Variants in INKA2 observed in about 807,000 individuals in gnomAD.
INKA2 encodes PAK4-inhibitor INKA2.
INKA2 carries 3 observed loss-of-function variants against 9.8 expected under a neutral mutation model. That is an observed-to-expected ratio of 0.31 (90% confidence interval 0.14 to 0.79). The LOEUF is 0.79. INKA2 is among the 30% of genes least tolerant of loss of function. INKA2 has a pLI of 0.62. For synonymous variants in INKA2, 147 were observed against 143.3 expected, an observed-to-expected ratio of 1.03 and a Z score of -0.18; for missense variants, 392 against 384.4, an observed-to-expected ratio of 1.02 and a Z score of -0.17.
At chr1:111,754,974 C>CGAGACCTCTTTGAAAAGG (rs141326398) in intron 1 of INKA2, 4 of 68,500 alleles carry the variant, frequency 5.8e-5, no homozygotes, top group African/African-American at 9.6e-5. Flanking sequence ...TTAGGGTGTT[C>CGAGACCTCTTTGAAAAGG]AAGACCTCTT....
intron 1 of INKA2, chr1:111,755,657 C>T: frequency 3.1e-6 from 5 of 1,611,458 alleles, no homozygotes; most frequent in East Asian, 4.5e-5. Context: ...GTGCCCCCAC[C>T]GCAGGCCCGC....
rs1557912938 is a variant in INKA2, at chr1:111,739,293, C to T, written c.-51G>A. 2 of 1,609,976 alleles carry T rather than the reference C, an allele frequency of 1.2e-6. No homozygotes were observed. The highest frequency in any genetic ancestry group is 1.3e-5 in the African/African-American group (1 of 74,816). On this transcript the variant is annotated 5_prime_UTR_variant, in exon 1 of 2. Transcript: ENST00000357260. Reference sequence around the variant, plus strand: ...AACAGAGAGGGCCCGGGTGAAACCCCGGCCCCACTGGAAACTGCGCTCCGG... The same window carrying T: ...AACAGAGAGGGCCCGGGTGAAACCCTGGCCCCACTGGAAACTGCGCTCCGG...
Position 111,723,101 on chromosome 1 carries a change from C to T in INKA2, c.*3867G>A. ...CATACCATGGTGCTGGCAGAAGTGC[C>T]TTAACTGCACCGGATGGGGAAGGCA... On this transcript the variant is annotated 3_prime_UTR_variant, in exon 2 of 2. Coordinates refer to ENST00000357260, the MANE Select transcript of INKA2 (RefSeq NM_019099.5). The T allele has an allele frequency of 2.9e-6, 2 of 701,198 alleles. No homozygotes were observed. Among genetic ancestry groups the T allele is most frequent in the Non-Finnish European group, 5.2e-6 (2 of 384,254 alleles). 43.4% of individuals were successfully genotyped at this position (701,198 alleles called of 1,614,324 possible).
rs547172434 is a variant in INKA2 at position 111,726,454 on chromosome 1, G to T, written c.*514C>A. 41 of 209,980 alleles carry T rather than the reference G, an allele frequency of 2.0e-4. No individual in the cohort carries two copies. Among genetic ancestry groups the T allele is most frequent in the African/African-American group, 8.5e-4 (37 of 43,570 alleles). The allele number at this position is 209,980 out of a possible 1,614,324, so 13.0% of individuals were successfully genotyped here. ...GCTGCTCCAGTCCCAGGAGGCCTGG[G>T]GTTCAGTCCCTGTGCCTGGAGCAAT... On this transcript the variant is annotated 3_prime_UTR_variant, in exon 2 of 2. Coordinates refer to ENST00000357260, the MANE Select transcript of INKA2 (RefSeq NM_019099.5).
At chr1:111,755,694 G>C in intron 1 of INKA2, 1 of 1,613,722 alleles carries the variant, frequency 6.2e-7, no homozygotes, top group Non-Finnish European at 8.5e-7. Flanking sequence ...CACAGGCAGC[G>C]ACTCACCAGT....
Position 111,724,565 on chromosome 1 carries a change from GCACACACA to G in INKA2, c.*2395_*2402del, listed in dbSNP as rs71714685. ...ACATGCAGTTTCTTAGCACGCGCAG[GCACACACA>G]CACACACACACACACACACACACAC... is the stretch of plus-strand genomic sequence containing the variant. On this transcript the variant is annotated 3_prime_UTR_variant, in exon 2 of 2. Transcript: ENST00000357260. 7,926 of 144,498 alleles carry G rather than the reference GCACACACA, an allele frequency of 0.055. 224 individuals are homozygous for G. The highest frequency in any genetic ancestry group is 0.069 in the Non-Finnish European group (4,474 of 65,240). The allele number at this position is 144,498 out of a possible 1,614,324, so 9.0% of individuals were successfully genotyped here. A position where few individuals can be genotyped will look rare whatever the true frequency, so the allele number is the denominator to read the frequency against.
At chr1:111,741,485 G>C (rs910133343), upstream of INKA2, among the ~76,000 whole-genome samples, 2 of 152,210 alleles carry the variant, frequency 1.3e-5, no homozygotes, top group African/African-American at 4.8e-5. Flanking sequence ...CAAGGACACA[G>C]CTGTGGTTTC....
chr1:111,755,624 G>A, intron 1 of INKA2: 2 of 1,592,964 alleles, frequency 1.3e-6, no homozygotes, highest in Non-Finnish European at 1.7e-6. Flanking sequence ...GCTCCGCCCA[G>A]AAGAGGGCCG....
At chr1:111,755,790 C>T (rs1663529645) in exon 1 of INKA2, 2 of 1,609,770 alleles carry the variant, frequency 1.2e-6, no homozygotes, top group Non-Finnish European at 1.7e-6. Context: ...CCTCCGACTC[C>T]CGTCCCTTTC....
At chr1:111,745,293 A>ATATATATATATATATATATT (rs1358304932) in intron 1 of INKA2, 2 of 49,266 alleles carry the variant, frequency 4.1e-5, no homozygotes, top group African/African-American at 7.1e-5. Flanking sequence ...ATATATATAT[A>ATATATATATATATATATATT]TTTTTTTTTT....
chr1:111,726,857 G>A lies in INKA2; in HGVS notation c.*111C>T. On this transcript the variant is annotated 3_prime_UTR_variant, in exon 2 of 2. Coordinates refer to ENST00000357260, the MANE Select transcript of INKA2 (RefSeq NM_019099.5). ...CTTCTCCCCGCTTTCTGGGGGAAAG[G>A]AACTTGGAGTTGGGCTTTCGAGAGC... 2.7e-6 allele frequency: 3 copies of A among 1,103,432 alleles called. No homozygotes were observed. In the South Asian group the frequency reaches 4.5e-5, roughly 17 times the overall value. The allele number at this position is 1,103,432 out of a possible 1,614,324, so 68.4% of individuals were successfully genotyped here.
At chr1:111,755,491 G>A in intron 1 of INKA2, 2 of 585,772 alleles carry the variant, frequency 3.4e-6, no homozygotes, top group Non-Finnish European at 5.9e-6. Flanking sequence ...TTGGGGAAGA[G>A]GTGGCCGCGA....
intron 1 of INKA2, among the ~76,000 whole-genome samples, chr1:111,731,354 T>C (rs141711185): frequency 1.3e-4 from 20 of 152,090 alleles, no homozygotes; most frequent in African/African-American, 4.8e-4. Flanking sequence ...AATTTCTCCA[T>C]GCTTTTTTTT....
intron 1 of INKA2, among the ~76,000 whole-genome samples, chr1:111,738,828 C>A (rs1663067348): frequency 6.6e-6 from 1 of 152,090 alleles, no homozygotes; most frequent in Non-Finnish European, 1.5e-5. Flanking sequence ...CCTTCGCTCT[C>A]GCGCTTTCCG....
intron 1 of INKA2, among the ~76,000 whole-genome samples, chr1:111,751,860 C>T (rs1254203476): frequency 1.3e-5 from 2 of 152,192 alleles, no homozygotes; most frequent in East Asian, 3.8e-4. Context: ...TGTCCTTTCC[C>T]CCTTCCTCTA....
rs1255534676 is a variant in INKA2 at position 111,725,748 on chromosome 1, G to T, written c.*1220C>A. The stretch of plus-strand genomic sequence containing the variant: ...CGAACTGTTTTTTTTTATTTTTTTT[G>T]AGACAGGGGAGTCTTGCTCTGTCAG... On this transcript the variant is annotated 3_prime_UTR_variant, in exon 2 of 2. Transcript: ENST00000357260. 1.0e-5 allele frequency: 2 copies of T among 191,342 alleles called. No individual in the cohort carries two copies. The highest frequency in any genetic ancestry group is 1.1e-5 in the Non-Finnish European group (1 of 94,460). 11.9% of individuals were successfully genotyped at this position (191,342 alleles called of 1,614,324 possible). A position where few individuals can be genotyped will look rare whatever the true frequency, so the allele number is the denominator to read the frequency against.
chr1:111,754,460 A>C (rs1254289056), intron 1 of INKA2: 2 of 152,208 alleles, frequency 1.3e-5, no homozygotes, highest in African/African-American at 2.4e-5. Flanking sequence ...CCAGCATTAT[A>C]ATCTATGGAC....
In INKA2 at chr1:111,722,804, C is replaced by G. The variant is rs1260966981; in HGVS notation, c.*4164G>C. 2.3e-6 allele frequency: 1 copy of G among 433,660 alleles called. No homozygotes were observed. The highest frequency in any genetic ancestry group is 4.1e-5 in the Admixed American group (1 of 24,308). 26.9% of individuals were successfully genotyped at this position (433,660 alleles called of 1,614,324 possible). On this transcript the variant is annotated 3_prime_UTR_variant, in exon 2 of 2. Transcript: ENST00000357260. ...TTCGACAGAAGAAGAGACCAACGCT[C>G]AGAGAAAGCACTTTTTCTTAAGCAC...
At chr1:111,742,962 CTGAAGAGG>C (rs939696815), upstream of INKA2, among the ~76,000 whole-genome samples, 1 of 152,208 alleles carries the variant, frequency 6.6e-6, no homozygotes, top group Non-Finnish European at 1.5e-5. Flanking sequence ...TGCCTTGTTG[CTGAAGAGG>C]TAACTCTCAT....
Sources: allele counts gnomAD v4.1 joint callset (sites outside exome capture counted in the v4.1 genomes callset), GRCh38; gene constraint gnomAD v4.1.1; transcripts MANE v1.5; gene names NCBI Gene and HGNC (gene_info 2026-07-23, HGNC 2026-07-21).